RTN1: variants seen among roughly 807,000 people sequenced by gnomAD.
RTN1 encodes the protein reticulon-1.
RTN1 carries 25 observed loss-of-function variants against 65.5 expected under a neutral mutation model. The observed-to-expected ratio is 0.38, with a 90% CI of 0.28 to 0.53. The LOEUF is 0.53. Among genes scored for constraint, RTN1 ranks in the 20% least tolerant of loss-of-function variants. RTN1 has a pLI of 0.79. For synonymous variants in RTN1, 471 were observed against 447.6 expected (o/e 1.05, Z -0.66); for missense variants, 983 against 1,025.4 (o/e 0.96, Z 0.57).
In RTN1 at chr14:59,870,250, C is replaced by T; in HGVS notation, c.241+140G>A. 1 of 790,090 alleles carries T rather than the reference C, an allele frequency of 1.3e-6. No homozygotes were observed. The highest frequency in any genetic ancestry group is 1.8e-6 in the Non-Finnish European group (1 of 570,824). 48.9% of individuals were successfully genotyped at this position (790,090 alleles called of 1,614,324 possible). A position where few individuals can be genotyped will look rare whatever the true frequency, so the allele number is the denominator to read the frequency against. The stretch of plus-strand genomic sequence containing the variant: ...CTACCAGCCCGCGAATATTCCCAGT[C>T]GCCCGTGGCGACGCGGGGGTGGGGT... On this transcript the variant is annotated intron_variant, in intron 1 of 8. Coordinates refer to ENST00000267484, the MANE Select transcript of RTN1 (RefSeq NM_021136.3). This position sits in a 1 kb window ranked among gnomAD's most constrained non-coding sequence, Gnocchi z 5.1.
chr14:59,598,891 T>G (rs889419835), intron 8 of RTN1, among the ~76,000 whole-genome samples: 1 of 152,196 alleles, frequency 6.6e-6, no homozygotes, highest in Non-Finnish European at 1.5e-5. Context: ...TCACTGCCCA[T>G]TACTATCAGA....
intron 3 of RTN1, among the ~76,000 whole-genome samples, chr14:59,680,459 T>C (rs1031285523): frequency 1.3e-5 from 2 of 152,236 alleles, no homozygotes; most frequent in African/African-American, 2.4e-5. Flanking sequence ...CTATCTTTAC[T>C]AATTTGAGCT....
intron 3 of RTN1, among the ~76,000 whole-genome samples, chr14:59,642,630 A>C (rs1882804156): frequency 1.3e-5 from 2 of 152,178 alleles, no homozygotes; most frequent in Admixed American, 6.5e-5. Flanking sequence ...AATTTCAGAA[A>C]TTTTACCTTT....
At chr14:59,830,529 T>C (rs1030148697) in intron 1 of RTN1, among the ~76,000 whole-genome samples, 2 of 152,166 alleles carry the variant, frequency 1.3e-5, no homozygotes, top group African/African-American at 4.8e-5. Flanking sequence ...ACTAGAGAGG[T>C]GCCTCCTACA....
chr14:59,834,116 T>G (rs1295537598), intron 1 of RTN1, among the ~76,000 whole-genome samples: 2 of 152,098 alleles, frequency 1.3e-5, no homozygotes, highest in East Asian at 3.9e-4. Flanking sequence ...AAAGATAGTC[T>G]TCCAAAATAT....
At chr14:59,762,212 C>A (rs542541300) in intron 1 of RTN1, among the ~76,000 whole-genome samples, 12 of 152,188 alleles carry the variant, frequency 7.9e-5, no homozygotes, top group African/African-American at 2.9e-4. Context: ...ATTGGACATC[C>A]CCATTGAATT....
intron 1 of RTN1, among the ~76,000 whole-genome samples, chr14:59,828,839 C>T (rs1887078177): frequency 6.6e-6 from 1 of 152,160 alleles, no homozygotes; most frequent in African/African-American, 2.4e-5. Flanking sequence ...GATACATATA[C>T]TCATAGATAA....
chr14:59,818,298 C>T (rs1337232223), intron 1 of RTN1, among the ~76,000 whole-genome samples: 2 of 152,116 alleles, frequency 1.3e-5, no homozygotes, highest in African/African-American at 4.8e-5. Flanking sequence ...TCTCTGGAGG[C>T]CTCTGTCCAC....
intron 1 of RTN1, among the ~76,000 whole-genome samples, chr14:59,819,236 C>T (rs574451102): frequency 2.6e-5 from 4 of 152,078 alleles, no homozygotes; most frequent in African/African-American, 9.6e-5. Flanking sequence ...TTGTGAAGAG[C>T]GAAAGAACTA....
chr14:59,755,243 A>G (rs1885613389), intron 1 of RTN1, among the ~76,000 whole-genome samples: 1 of 152,162 alleles, frequency 6.6e-6, no homozygotes, highest in African/African-American at 2.4e-5. Flanking sequence ...CATTAGACAA[A>G]CATCTGGCTT....
chr14:59,626,659 G>T (rs764075075), intron 3 of RTN1, among the ~76,000 whole-genome samples: 1 of 152,188 alleles, frequency 6.6e-6, no homozygotes, highest in Non-Finnish European at 1.5e-5. Flanking sequence ...AATGTTCTGT[G>T]TTCAGAACCC....
At chr14:59,652,096 C>A (rs538502941) in intron 3 of RTN1, among the ~76,000 whole-genome samples, 2 of 152,236 alleles carry the variant, frequency 1.3e-5, no homozygotes, top group South Asian at 4.1e-4. Context: ...CATCACTGAT[C>A]ACTAGAGAAA....
intron 1 of RTN1, among the ~76,000 whole-genome samples, chr14:59,800,070 A>AT (rs1257525928): frequency 6.6e-6 from 1 of 152,210 alleles, no homozygotes; most frequent in African/African-American, 2.4e-5. Flanking sequence ...CGTGGCACAG[A>AT]TATACAGAGC....
At chr14:59,686,216 T>G (rs1883844182) in intron 3 of RTN1, among the ~76,000 whole-genome samples, 1 of 152,142 alleles carries the variant, frequency 6.6e-6, no homozygotes, top group Admixed American at 6.5e-5. Context: ...ATGAAACTAC[T>G]AGAAGAAAAT....
intron 3 of RTN1, among the ~76,000 whole-genome samples, chr14:59,613,876 T>G (rs1046852746): frequency 1.3e-5 from 2 of 152,130 alleles, no homozygotes; most frequent in Admixed American, 1.3e-4. Flanking sequence ...CTCTCAAAAT[T>G]AAAGGATCTG....
At chr14:59,602,847 TG>T (rs1250657866) in intron 8 of RTN1, among the ~76,000 whole-genome samples, 2 of 152,182 alleles carry the variant, frequency 1.3e-5, no homozygotes, top group South Asian at 2.1e-4. Context: ...TTATGAAACC[TG>T]AATAAACCAC....
chr14:59,867,837 A>G (rs1395468882), intron 1 of RTN1, among the ~76,000 whole-genome samples: 1 of 152,184 alleles, frequency 6.6e-6, no homozygotes, highest in Non-Finnish European at 1.5e-5. Flanking sequence ...CCACTCTTTT[A>G]AAAAAATAAA....
chr14:59,768,935 C>T lies in RTN1; in HGVS notation c.242-22454G>A, dbSNP rs150063141. 2.9e-3 allele frequency among the ~76,000 whole-genome samples: 436 copies of T among 152,262 alleles called. 1 individual carries two copies. Among genetic ancestry groups the T allele is most frequent in the African/African-American group, 0.01 (420 of 41,560 alleles). ...AGTCAGAGACTTGAACAAGGTATTA[C>T]TTTTCTAGGTGACCAATCACCTCAG... On this transcript the variant is annotated intron_variant, in intron 1 of 8. Coordinates refer to ENST00000267484, the MANE Select transcript of RTN1 (RefSeq NM_021136.3).
intron 1 of RTN1, among the ~76,000 whole-genome samples, chr14:59,863,381 G>A (rs1462635431): frequency 1.3e-5 from 2 of 151,952 alleles, no homozygotes; most frequent in African/African-American, 2.4e-5. Flanking sequence ...CCGGCACTTT[G>A]AATGACTTCC....
Sources: allele counts gnomAD v4.1 joint callset (sites outside exome capture counted in the v4.1 genomes callset), GRCh38; gene constraint gnomAD v4.1.1; non-coding constraint Gnocchi (gnomAD v3.1); transcripts MANE v1.5; gene names NCBI Gene and HGNC (gene_info 2026-07-23, HGNC 2026-07-21).